The following VPS35 variants were observed in gnomAD, a reference collection of about 807,000 sequenced individuals.
VPS35 encodes the protein VPS35 retromer complex component.
Under a neutral mutation model 98.1 loss-of-function variants are expected in VPS35, and 21 were observed. The observed-to-expected ratio is 0.21, with a 90% CI of 0.15 to 0.31. The LOEUF is 0.31. VPS35 is among the 10% of genes least tolerant of loss of function. The probability of loss-of-function intolerance (pLI) is 1.00; values close to 1 mark genes in which losing one functional copy is unlikely to be tolerated. For missense variants in VPS35, 554 were observed against 950.8 expected (o/e 0.58, Z 5.49); for synonymous variants, 268 against 318.2 (o/e 0.84, Z 1.68).
At chr16:46,668,858 A>C in intron 13 of VPS35, 72 bp downstream of exon 13, 1 of 1,580,700 alleles carries the variant, frequency 6.3e-7, no homozygotes, top group South Asian at 1.2e-5. Flanking sequence ...TTTATAATAT[A>C]AAACAAACAC....
At chr16:46,683,698 A>C in intron 1 of VPS35, 92 bp from the exon 2 acceptor site, 2 of 1,281,602 alleles carry the variant, frequency 1.6e-6, no homozygotes, top group Non-Finnish European at 2.2e-6. Flanking sequence ...TTCTCCAACA[A>C]TGTCCAGCTC....
rs1043343893 is a variant in VPS35, at chr16:46,661,306, T to G, written c.2211+412A>C. 2.0e-5 allele frequency among the ~76,000 whole-genome samples: 3 copies of G among 152,172 alleles called. No homozygotes were observed. The highest frequency in any genetic ancestry group is 4.4e-5 in the Non-Finnish European group (3 of 68,024). On this transcript the variant is annotated intron_variant, in intron 16 of 16. Transcript: ENST00000299138. The surrounding 1 kb of genome is among the most constrained non-coding windows in gnomAD (Gnocchi z 4.3). ...GTGCAATGGCACAGTCTTGGCTCAC[T>G]GCAGCCTCCACCTCCCAGGTTCAAG...
At chr16:46,686,414 A>C (rs1966315900) in intron 1 of VPS35, among the ~76,000 whole-genome samples, 1 of 152,208 alleles carries the variant, frequency 6.6e-6, no homozygotes, top group Admixed American at 6.5e-5. Context: ...ATGACTAGAA[A>C]GATTTAGAGA....
rs1965915088 is a variant in VPS35, at chr16:46,661,541, T to C, written c.2211+177A>G. The C allele has an allele frequency of 1.5e-6, 1 of 681,698 alleles. No individual in the cohort carries two copies. The highest frequency in any genetic ancestry group is 1.9e-5 in the South Asian group (1 of 52,500). The allele number at this position is 681,698 out of a possible 1,614,324, so 42.2% of individuals were successfully genotyped here. On this transcript the variant is annotated intron_variant, in intron 16 of 16. Transcript: ENST00000299138. The surrounding 1 kb of genome is among the most constrained non-coding windows in gnomAD (Gnocchi z 4.3). ...CACCACGCCCAGCCTAGGAATTATCTTAAACTAGAACATTATGACAAATTA... is the reference window on the plus strand; with the variant it reads ...CACCACGCCCAGCCTAGGAATTATCCTAAACTAGAACATTATGACAAATTA...
chr16:46,672,764 T>G (rs1184764822), intron 10 of VPS35, among the ~76,000 whole-genome samples: 2 of 152,242 alleles, frequency 1.3e-5, no homozygotes. Flanking sequence ...TAGAATTTGA[T>G]GACATTTCTA....
At position 46,674,411 on chromosome 16, in the gene VPS35, T is replaced by C. The variant is rs1966113482; in HGVS notation, c.1063A>G (p.Ile355Val). 1.9e-6 allele frequency: 3 copies of C among 1,613,700 alleles called. No individual in the cohort carries two copies. Among genetic ancestry groups the C allele is most frequent in the Non-Finnish European group, 2.5e-6 (3 of 1,179,868 alleles). Residue 355 changes from isoleucine to valine, a missense_variant, in exon 10 of 17, where the codon ATT (isoleucine) becomes GTT (valine). Coordinates refer to ENST00000299138, the MANE Select transcript of VPS35 (RefSeq NM_018206.6). ...GGGTAACATTTCATGGCAAGATTAA[T>C]CAGAGAGACTTGTAAAGATACAACA... ...EDVVSLQVSL[I>V]NLAMKCYPDR...
intron 13 of VPS35, among the ~76,000 whole-genome samples, chr16:46,665,574 A>C (rs1241376529): frequency 1.4e-5 from 2 of 140,162 alleles, no homozygotes; most frequent in Admixed American, 1.5e-4. Flanking sequence ...CAGTCTGGGC[A>C]ACAAAGACCT....
At chr16:46,672,178 ACCCTC>A in intron 11 of VPS35, 82 bp downstream of exon 11, 6 of 1,140,430 alleles carry the variant, frequency 5.3e-6, no homozygotes, top group Non-Finnish European at 7.9e-6. Context: ...GTATTGAATT[ACCCTC>A]CCCTCCCATC....
chr16:46,676,752 A>T, intron 7 of VPS35, 60 bp from the exon 8 acceptor site: 1 of 1,218,404 alleles, frequency 8.2e-7, no homozygotes, highest in Non-Finnish European at 1.2e-6. Context: ...GGACTCACAT[A>T]TGGTAAAGTT....
At chr16:46,687,306 T>C (rs1378851377) in intron 1 of VPS35, among the ~76,000 whole-genome samples, 2 of 152,094 alleles carry the variant, frequency 1.3e-5, no homozygotes, top group Admixed American at 1.3e-4. Flanking sequence ...TAGAGAGAAA[T>C]AAGGATGATG....
intron 8 of VPS35, 119 bp downstream of exon 8, chr16:46,676,463 TA>T: frequency 1.4e-6 from 1 of 727,796 alleles, no homozygotes. Context: ...ATTTATAGTA[TA>T]ATTAAATTAA....
Position 46,674,726 on chromosome 16 carries a change from G to A in VPS35, c.915-66C>T, listed in dbSNP as rs374327750. The A allele has an allele frequency of 5.0e-5, 64 of 1,291,456 alleles. No homozygotes were observed. The African/African-American group carries it at 8.9e-4, about 18-fold the overall frequency. The allele number at this position is 1,291,456 out of a possible 1,614,324, so 80.0% of individuals were successfully genotyped here. On this transcript the variant is annotated intron_variant, in intron 8 of 16. Coordinates refer to ENST00000299138, the MANE Select transcript of VPS35 (RefSeq NM_018206.6). ...GGGTTTGGGTAGTGAGATCATGGAT[G>A]ACATCTTATTCTTTATTGCTTTTCT...
In VPS35 at chr16:46,656,240, CTT is replaced by C. The variant is rs777876331; in HGVS notation, c.*4230_*4231del. 9 of 152,296 alleles carry C rather than the reference CTT, an allele frequency of 5.9e-5. No homozygotes were observed. Among genetic ancestry groups the C allele is most frequent in the African/African-American group, 1.2e-4 (5 of 41,554 alleles). 9.4% of individuals were successfully genotyped at this position (152,296 alleles called of 1,614,324 possible). The stretch of plus-strand genomic sequence containing the variant: ...TAGGTGGAGGAATGGCTGATCTCCT[CTT>C]GTCTTTGCTCTGCACATGGGAAGAT... On this transcript the variant is annotated 3_prime_UTR_variant, in exon 17 of 17. Coordinates refer to ENST00000299138, the MANE Select transcript of VPS35 (RefSeq NM_018206.6).
chr16:46,672,464 G>A lies in VPS35; in HGVS notation c.1169C>T (p.Thr390Ile). ...FNKLNLEHIA[T>I]SSAVSKELTR... ...GAGTTCCTTTGAAACTGCACTACTG[G>A]TAGCAATACTACAAAAAGAAAAACA... The change falls in exon 11 of 17, where the codon ACC becomes ATC. Residue 390 changes from threonine (T) to isoleucine (I), a missense_variant. Physicochemically the swap from Thr to Ile is moderately conservative, Grantham distance 89. Coordinates refer to ENST00000299138, the MANE Select transcript of VPS35 (RefSeq NM_018206.6). 1 of 1,612,084 alleles carries A rather than the reference G, an allele frequency of 6.2e-7. No individual in the cohort carries two copies. The highest frequency in any genetic ancestry group is 8.5e-7 in the Non-Finnish European group (1 of 1,179,536).
intron 2 of VPS35, chr16:46,682,928 G>A (rs567624987): frequency 1.3e-5 from 2 of 155,164 alleles, no homozygotes; most frequent in Admixed American, 6.3e-5. Flanking sequence ...TTTTAATCCA[G>A]AGAATCAAAA....
In VPS35 at chr16:46,661,072, G is replaced by A. The variant is rs543480796; in HGVS notation, c.2212-421C>T. 3.3e-6 allele frequency: 1 copy of A among 306,526 alleles called. No individual in the cohort carries two copies. Among genetic ancestry groups the A allele is most frequent in the South Asian group, 2.9e-5 (1 of 33,904 alleles). 19.0% of individuals were successfully genotyped at this position (306,526 alleles called of 1,614,324 possible). ...TGAGGCATGAGAATTGCTTGAACCT[G>A]GGAGGCAGAGGTTGCAATGAGCTGA... is the stretch of plus-strand genomic sequence containing the variant. On this transcript the variant is annotated intron_variant, in intron 16 of 16. Coordinates refer to ENST00000299138, the MANE Select transcript of VPS35 (RefSeq NM_018206.6). The surrounding 1 kb of genome is among the most constrained non-coding windows in gnomAD (Gnocchi z 4.3).
At chr16:46,680,949 C>T in intron 4 of VPS35, 96 bp from the exon 5 acceptor site, 4 of 1,310,034 alleles carry the variant, frequency 3.1e-6, no homozygotes, top group Non-Finnish European at 4.3e-6. Flanking sequence ...ATAAACAAGA[C>T]AGGAACCATG....
At chr16:46,681,063 A>T (rs1474569915) in intron 4 of VPS35, among the ~76,000 whole-genome samples, 1 of 151,054 alleles carries the variant, frequency 6.6e-6, no homozygotes, top group African/African-American at 2.4e-5. Flanking sequence ...ACACACACAC[A>T]CTGTATATAT....
intron 14 of VPS35, 47 bp from the exon 15 acceptor site, chr16:46,662,529 T>C (rs1182565439): frequency 1.2e-6 from 2 of 1,607,258 alleles, no homozygotes; most frequent in Non-Finnish European, 8.5e-7. Flanking sequence ...AACCATCCTC[T>C]AGTTGAGCAT....
Sources: gnomAD v4.1 joint callset for allele counts (sites outside exome capture counted in the v4.1 genomes callset) on GRCh38, gnomAD v4.1.1 for gene constraint, Gnocchi (gnomAD v3.1) non-coding constraint, MANE v1.5 for transcripts, NCBI Gene and HGNC (gene_info 2026-07-23, HGNC 2026-07-21) for gene names.